Variants in ZNF536 observed in about 807,000 individuals in gnomAD.
ZNF536 encodes the protein zinc finger protein 536.
ZNF536 carries 13 observed loss-of-function variants against 84.5 expected under a neutral mutation model. The observed-to-expected ratio is 0.15, with a 90% CI of 0.10 to 0.24. The LOEUF is 0.24. ZNF536 is among the 10% of genes least tolerant of loss of function. The pLI is 1.00. For missense variants in ZNF536, 1,536 were observed against 1,747.5 expected (o/e 0.88, Z 2.16); for synonymous variants, 811 against 742.5 (o/e 1.09, Z -1.50).
chr19:30,248,228 T>C (rs905064146), intron 1 of ZNF536, among the ~76,000 whole-genome samples: 13 of 147,130 alleles, frequency 8.8e-5, no homozygotes, highest in South Asian at 4.4e-4. Flanking sequence ...TTCTTTCTTT[T>C]TTTTTTTTTT....
At chr19:30,339,828 G>T (rs966943237) in intron 2 of ZNF536, among the ~76,000 whole-genome samples, 1 of 152,206 alleles carries the variant, frequency 6.6e-6, no homozygotes, top group Admixed American at 6.5e-5. Flanking sequence ...CTGTCGACTT[G>T]GAGGCTGCCT....
intron 1 of ZNF536, among the ~76,000 whole-genome samples, chr19:30,271,875 G>C (rs926061717): frequency 1.3e-5 from 2 of 152,100 alleles, no homozygotes; most frequent in East Asian, 3.9e-4. Flanking sequence ...ACACAAGTCC[G>C]TGCGTTTTGT....
chr19:30,347,505 GGCCATGA>G (rs1231816785), intron 2 of ZNF536, among the ~76,000 whole-genome samples: 1 of 152,148 alleles, frequency 6.6e-6, no homozygotes, highest in African/African-American at 2.4e-5. Context: ...GGGGTGCCAG[GGCCATGA>G]GCCAAGCTCT....
intron 1 of ZNF536, among the ~76,000 whole-genome samples, chr19:30,606,678 A>C: frequency 6.6e-6 from 1 of 152,100 alleles, no homozygotes; most frequent in African/African-American, 2.4e-5. Context: ...AATGGTCCTG[A>C]GTGTGAATTG....
In ZNF536 at chr19:30,445,530, C is replaced by T. The variant is rs1568439031; in HGVS notation, c.1968C>T (p.Asp656=). ...VVVHSRVHKR[D]RKGEEDGLHV... is the part of the protein sequence containing the mutation. ...TGCACTCCCGTGTCCACAAGCGGGA[C>T]CGCAAGGGCGAGGAGGATGGGCTGC... Residue 656 remains aspartate, a synonymous_variant, in exon 2 of 5, where the codon GAC becomes GAT. Transcript: ENST00000355537. This position sits in a 1 kb window ranked among gnomAD's most constrained non-coding sequence, Gnocchi z 4.5. The T allele has an allele frequency of 6.2e-7, 1 of 1,613,754 alleles. No homozygotes were observed. Among genetic ancestry groups the T allele is most frequent in the South Asian group, 1.1e-5 (1 of 91,044 alleles).
rs57536360 is a variant in ZNF536, at chr19:30,238,431, C to CCA, written c.-190+9785_-190+9786dup. ...CAAATGTTAGTACCATGTATCTAGG[C>CCA]CACACACACACACACACACACACAC... On this transcript the variant is annotated intron_variant, in intron 1 of 5. Coordinates refer to the ZNF536 transcript ENST00000585628. Among the ~76,000 whole-genome samples the CCA allele has an allele frequency of 2.0e-3, 302 of 150,304 alleles. 1 individual carries two copies. The highest frequency in any genetic ancestry group is 5.3e-3 in the South Asian group (25 of 4,718).
chr19:30,227,175 G>A (rs1053875989), upstream of ZNF536, among the ~76,000 whole-genome samples: 1 of 152,048 alleles, frequency 6.6e-6, no homozygotes, highest in Non-Finnish European at 1.5e-5. Context: ...AAGAAAAAGG[G>A]CTGGGCAGAG....
At chr19:30,403,231 C>A (rs1246198600) in intron 1 of ZNF536, among the ~76,000 whole-genome samples, 1 of 152,140 alleles carries the variant, frequency 6.6e-6, no homozygotes, top group African/African-American at 2.4e-5. Context: ...GTAGACAAAC[C>A]GCTGAGCTCA....
intron 2 of ZNF536, among the ~76,000 whole-genome samples, chr19:30,309,064 T>C (rs554480309): frequency 6.6e-6 from 1 of 152,114 alleles, no homozygotes; most frequent in South Asian, 2.1e-4. Flanking sequence ...GGAAAAAAGT[T>C]CTGGAAAAGA....
chr19:30,296,030 G>A (rs1171079869), intron 2 of ZNF536: 1 of 152,304 alleles, frequency 6.6e-6, no homozygotes, highest in African/African-American at 2.4e-5. Context: ...GAAATCCAAT[G>A]TGTGCAGCTG....
chr19:30,248,794 C>T (rs543859879), intron 1 of ZNF536, among the ~76,000 whole-genome samples: 1 of 152,198 alleles, frequency 6.6e-6, no homozygotes, highest in South Asian at 2.1e-4. Context: ...TTTCTGATGC[C>T]TACTAGATTT....
chr19:30,283,823 G>C (rs2045538735), intron 1 of ZNF536, among the ~76,000 whole-genome samples: 1 of 152,132 alleles, frequency 6.6e-6, no homozygotes, highest in Admixed American at 6.5e-5. Flanking sequence ...GAGATGGTTA[G>C]AAGTTCTTTT....
At chr19:30,402,664 A>G (rs1426968680) in intron 1 of ZNF536, among the ~76,000 whole-genome samples, 1 of 151,578 alleles carries the variant, frequency 6.6e-6, no homozygotes, top group Non-Finnish European at 1.5e-5. Flanking sequence ...ACCGCGGCCG[A>G]CGTGGGTTTA....
intron 4 of ZNF536, among the ~76,000 whole-genome samples, chr19:30,549,905 C>A (rs912744478): frequency 2.0e-5 from 3 of 152,104 alleles, no homozygotes; most frequent in African/African-American, 7.2e-5. Flanking sequence ...GCAAAAGATG[C>A]CTAAAGACAA....
intron 1 of ZNF536, among the ~76,000 whole-genome samples, chr19:30,687,929 C>A (rs1235711361): frequency 2.0e-5 from 3 of 149,240 alleles, no homozygotes; most frequent in Non-Finnish European, 4.4e-5. Context: ...ATGCACTGGG[C>A]AAAAGATTGA....
At chr19:30,361,043 G>A (rs976227055) in intron 3 of ZNF536, among the ~76,000 whole-genome samples, 4 of 152,162 alleles carry the variant, frequency 2.6e-5, no homozygotes, top group African/African-American at 9.7e-5. Flanking sequence ...CTGACAGATA[G>A]TGCCTGACAA....
chr19:30,569,556 G>GTTTTTTTTT (rs1193738249), intron 1 of ZNF536, among the ~76,000 whole-genome samples: 26 of 80,414 alleles, frequency 3.2e-4, no homozygotes, highest in East Asian at 1.1e-3. Flanking sequence ...CCAGATAAAC[G>GTTTTTTTTT]TTCTTTTTTT....
chr19:30,246,336 A>G (rs925248752), intron 1 of ZNF536, among the ~76,000 whole-genome samples: 1 of 152,220 alleles, frequency 6.6e-6, no homozygotes, highest in African/African-American at 2.4e-5. Context: ...TTGCAGAAAA[A>G]TAAAAGACGG....
At chr19:30,340,379 C>T (rs2146536375) in intron 2 of ZNF536, among the ~76,000 whole-genome samples, 1 of 152,286 alleles carries the variant, frequency 6.6e-6, no homozygotes, top group Middle Eastern at 3.4e-3. Context: ...CGCACTGGGC[C>T]CAGCCCAGCC....
Sources: allele counts gnomAD v4.1 joint callset (sites outside exome capture counted in the v4.1 genomes callset), GRCh38; gene constraint gnomAD v4.1.1; non-coding constraint Gnocchi (gnomAD v3.1); transcripts MANE v1.5; gene names NCBI Gene and HGNC (gene_info 2026-07-23, HGNC 2026-07-21).